The following RNF17 variants were observed in gnomAD, a reference collection of about 807,000 sequenced individuals.
RNF17 encodes the protein spermatogenesis associated 23.
Under a neutral mutation model 200.5 loss-of-function variants are expected in RNF17, and 31 were observed. The observed-to-expected ratio is 0.15, with a 90% confidence interval of 0.12 to 0.21. The LOEUF is 0.21. Among genes scored for constraint, RNF17 ranks in the 10% least tolerant of loss-of-function variants. RNF17 has a pLI of 1.00. For missense variants in RNF17, 1,628 were observed against 1,905.1 expected, an observed-to-expected ratio of 0.85 and a Z score of 2.71; for synonymous variants, 606 against 637.8, an observed-to-expected ratio of 0.95 and a Z score of 0.75.
At chr13:24,867,575 G>A (rs1294979524) in intron 30 of RNF17, among the ~76,000 whole-genome samples, 1 of 151,188 alleles carries the variant, frequency 6.6e-6, no homozygotes, top group East Asian at 1.9e-4. Flanking sequence ...CTTTTTTTTT[G>A]TCTACCAGTT....
In RNF17 at chr13:24,788,072, GA is replaced by G; in HGVS notation, c.704del (p.Asn235IlefsTer3). On this transcript the variant is annotated frameshift_variant, in exon 7 of 36. Transcript: ENST00000255324. LOFTEE classifies it high-confidence loss of function. The stretch of plus-strand genomic sequence containing the variant: ...TAAAGGCTAAAAGCTACATTGAAGA[GA>G]AAAAAAATAATTTGAATGCAGCTAT... ...LIKAKSYIEE[K>X]KNNLNAAMNI... is the part of the protein sequence containing the mutation. 20 of 1,594,434 alleles carry G rather than the reference GA, an allele frequency of 1.3e-5. No individual in the cohort carries two copies. The highest frequency in any genetic ancestry group is 7.3e-5 in the Admixed American group (4 of 54,800).
At chr13:24,871,360 C>CA (rs1894226706) in intron 32 of RNF17, among the ~76,000 whole-genome samples, 1 of 152,286 alleles carries the variant, frequency 6.6e-6, no homozygotes, top group African/African-American at 2.4e-5. Context: ...TTTTTTGAGA[C>CA]AGAGTCTCGT....
At chr13:24,837,647 C>T (rs562595289) in intron 18 of RNF17, among the ~76,000 whole-genome samples, 25 of 152,164 alleles carry the variant, frequency 1.6e-4, no homozygotes, top group African/African-American at 5.5e-4. Flanking sequence ...TCAAACTGAA[C>T]GACATAATGA....
At chr13:24,874,360 TA>T in intron 33 of RNF17, 111 bp downstream of exon 33, 1 of 883,696 alleles carries the variant, frequency 1.1e-6, no homozygotes, top group Non-Finnish European at 1.6e-6. Context: ...TAAGGCTGTT[TA>T]TAAATTAGGA....
At chr13:24,801,317 A>G (rs1885219250) in intron 13 of RNF17, among the ~76,000 whole-genome samples, 1 of 152,158 alleles carries the variant, frequency 6.6e-6, no homozygotes, top group African/African-American at 2.4e-5. Flanking sequence ...ATTTACTTTC[A>G]ATATGTTACG....
chr13:24,805,663 G>C (rs1488192473), intron 15 of RNF17, among the ~76,000 whole-genome samples: 2 of 152,118 alleles, frequency 1.3e-5, no homozygotes, highest in Non-Finnish European at 2.9e-5. Context: ...ATGGACACTG[G>C]CATGAAAGTA....
intron 15 of RNF17, among the ~76,000 whole-genome samples, chr13:24,815,735 A>C (rs1887320609): frequency 6.6e-6 from 1 of 152,152 alleles, no homozygotes; most frequent in Non-Finnish European, 1.5e-5. Context: ...CATGTTGAGT[A>C]AGTTTCCTTC....
intron 15 of RNF17, among the ~76,000 whole-genome samples, chr13:24,806,728 A>G (rs1290688268): frequency 2.0e-5 from 3 of 151,456 alleles, no homozygotes; most frequent in African/African-American, 7.3e-5. Context: ...TACATGTGCC[A>G]TGCTGGTGCG....
At chr13:24,860,023 C>T (rs1288753792) in intron 26 of RNF17, among the ~76,000 whole-genome samples, 3 of 151,968 alleles carry the variant, frequency 2.0e-5, no homozygotes, top group African/African-American at 7.2e-5. Flanking sequence ...CTAAGTCTTA[C>T]ACTTTTTCTA....
intron 10 of RNF17, chr13:24,794,020 T>C: frequency 6.0e-6 from 2 of 331,668 alleles, no homozygotes; most frequent in South Asian, 4.7e-5. Context: ...AAGATACCTG[T>C]AATAACTTTA....
rs534694355 is a variant in RNF17, at chr13:24,849,957, TATG to T, written c.3102-377_3102-375del. Reference sequence around the variant, plus strand: ...GGGCACTATACTAGTCATCAGGGAATATGATGATGCACATAACACATCATCATT... The same window carrying T: ...GGGCACTATACTAGTCATCAGGGAATATGATGCACATAACACATCATCATT... On this transcript the variant is annotated intron_variant, in intron 22 of 35. Transcript: ENST00000255324. Among the ~76,000 whole-genome samples the T allele has an allele frequency of 3.2e-4, 49 of 152,326 alleles. No homozygotes were observed. The East Asian group carries it at 8.7e-3, about 27-fold the overall frequency.
intron 13 of RNF17, among the ~76,000 whole-genome samples, chr13:24,801,661 T>A (rs1375049735): frequency 2.0e-5 from 3 of 152,224 alleles, no homozygotes; most frequent in East Asian, 3.9e-4. Flanking sequence ...GATTTTTTTT[T>A]AAATCACTTA....
intron 11 of RNF17, among the ~76,000 whole-genome samples, chr13:24,798,148 G>A (rs1021718427): frequency 7.2e-5 from 11 of 152,212 alleles, no homozygotes; most frequent in Non-Finnish European, 1.3e-4. Flanking sequence ...ACTTGTTTCA[G>A]TATTTAATAT....
intron 9 of RNF17, among the ~76,000 whole-genome samples, chr13:24,791,858 G>T (rs914353520): frequency 6.6e-6 from 1 of 152,170 alleles, no homozygotes; most frequent in Non-Finnish European, 1.5e-5. Context: ...TAGAACTGAG[G>T]AGCTAACTTG....
chr13:24,860,398 T>A (rs1892974790), intron 26 of RNF17, among the ~76,000 whole-genome samples: 1 of 152,136 alleles, frequency 6.6e-6, no homozygotes, highest in African/African-American at 2.4e-5. Flanking sequence ...TCACTTTACA[T>A]TTTTAGTATA....
chr13:24,880,119 GT>G (rs1354001589), downstream of RNF17, among the ~76,000 whole-genome samples: 1 of 151,500 alleles, frequency 6.6e-6, no homozygotes, highest in East Asian at 1.9e-4. Context: ...CCTGCGACTG[GT>G]TAATTTAGAA....
intron 19 of RNF17, among the ~76,000 whole-genome samples, chr13:24,842,516 T>C (rs1245066604): frequency 6.6e-6 from 1 of 152,000 alleles, no homozygotes. Flanking sequence ...AGTGGTAGAG[T>C]AGCTTACATT....
At chr13:24,853,784 CT>C (rs1892190751) in intron 24 of RNF17, 70 bp from the exon 25 acceptor site, 1 of 1,163,846 alleles carries the variant, frequency 8.6e-7, no homozygotes. Flanking sequence ...CTGAATGATT[CT>C]TTTTATGTTG....
intron 23 of RNF17, 104 bp from the exon 24 acceptor site, chr13:24,851,352 T>C (rs893227881): frequency 1.2e-6 from 1 of 807,066 alleles, no homozygotes; most frequent in Admixed American, 2.5e-5. Context: ...TGGGAATATT[T>C]CTTGCTTAGA....
Sources: allele counts gnomAD v4.1 joint callset (sites outside exome capture counted in the v4.1 genomes callset), GRCh38; gene constraint gnomAD v4.1.1; transcripts MANE v1.5; gene names NCBI Gene and HGNC (gene_info 2026-07-23, HGNC 2026-07-21).